The following ANKS1B variants were observed in gnomAD, a reference collection of about 807,000 sequenced individuals.
ANKS1B encodes ankyrin repeat and sterile alpha motif domain containing 1B.
A neutral mutation model predicts 148.3 loss-of-function variants in ANKS1B; 36 were observed. That is an observed-to-expected ratio of 0.24 (90% CI 0.19 to 0.32). The LOEUF (loss-of-function observed/expected upper bound fraction) is 0.32, where lower values mean the gene tolerates loss of function less well. Among genes scored for constraint, ANKS1B ranks in the 10% least tolerant of loss-of-function variants. The pLI, the probability that ANKS1B is intolerant of heterozygous loss-of-function variation, is 1.00. For synonymous variants in ANKS1B, 542 were observed against 560.8 expected, an observed-to-expected ratio of 0.97 and a Z score of 0.47; for missense variants, 1,157 against 1,542.6, an observed-to-expected ratio of 0.75 and a Z score of 4.19.
chr12:99,780,112 C>T, intron 5 of ANKS1B, 140 bp from the exon 6 acceptor site: 1 of 623,140 alleles, frequency 1.6e-6, no homozygotes, highest in South Asian at 1.9e-5. Flanking sequence ...GTTCTACACA[C>T]ACACATACAC....
At position 99,204,170 on chromosome 12, in the gene ANKS1B, C is replaced by A. The variant is rs79459962; in HGVS notation, c.2419+40172G>T. On this transcript the variant is annotated intron_variant, in intron 14 of 26. Coordinates refer to ENST00000683438, the MANE Select transcript of ANKS1B (RefSeq NM_001352186.2). ...TTTCAATTCCTAGCTAGGAAAGAAG[C>A]AATATGCCTTGGGCACAACTTTTCA... 1.4e-3 allele frequency among the ~76,000 whole-genome samples: 215 copies of A among 152,304 alleles called. 3 individuals carry two copies. In the East Asian group the frequency reaches 0.027, roughly 19 times the overall value.
At chr12:98,757,655 T>G (rs1592840993) in intron 25 of ANKS1B, among the ~76,000 whole-genome samples, 1 of 152,300 alleles carries the variant, frequency 6.6e-6, no homozygotes, top group South Asian at 2.1e-4. Context: ...TGCAGTGAAG[T>G]CAGCAAAATC....
At chr12:99,843,726 T>G (rs2086149670) in intron 1 of ANKS1B, among the ~76,000 whole-genome samples, 2 of 152,102 alleles carry the variant, frequency 1.3e-5, no homozygotes, top group Admixed American at 6.6e-5. Context: ...TACATGTGCA[T>G]GTATCTTTAT....
chr12:99,592,522 C>T (rs2097713272), intron 9 of ANKS1B, among the ~76,000 whole-genome samples: 1 of 150,362 alleles, frequency 6.7e-6, no homozygotes, highest in African/African-American at 2.4e-5. Context: ...TATTTATATA[C>T]TTGGCCAGAA....
chr12:98,896,681 A>G (rs2099765150), intron 17 of ANKS1B, among the ~76,000 whole-genome samples: 1 of 152,228 alleles, frequency 6.6e-6, no homozygotes, highest in East Asian at 1.9e-4. Flanking sequence ...AAAGACCTGC[A>G]TCTTGACTGG....
At chr12:99,347,067 T>C (rs2090798457) in intron 12 of ANKS1B, among the ~76,000 whole-genome samples, 2 of 151,992 alleles carry the variant, frequency 1.3e-5, no homozygotes, top group African/African-American at 4.8e-5. Flanking sequence ...GAAAAAACTG[T>C]GGTTGCCTGT....
intron 1 of ANKS1B, among the ~76,000 whole-genome samples, chr12:99,923,244 A>G (rs1043764862): frequency 2.0e-5 from 3 of 152,166 alleles, no homozygotes; most frequent in African/African-American, 7.2e-5. Context: ...AGCCTCTGGG[A>G]AGGTAATATC....
intron 11 of ANKS1B, among the ~76,000 whole-genome samples, chr12:99,418,163 C>G (rs954335459): frequency 1.3e-5 from 2 of 152,106 alleles, no homozygotes; most frequent in South Asian, 4.2e-4. Context: ...ATAAGCATTA[C>G]AGAATCACAT....
intron 14 of ANKS1B, among the ~76,000 whole-genome samples, chr12:99,169,216 G>C (rs935145073): frequency 1.1e-4 from 16 of 152,100 alleles, no homozygotes; most frequent in Admixed American, 2.6e-4. Context: ...TTTGAGATGA[G>C]AGAAATTAAA....
At chr12:99,476,474 C>T (rs560311353) in intron 10 of ANKS1B, among the ~76,000 whole-genome samples, 1 of 152,126 alleles carries the variant, frequency 6.6e-6, no homozygotes, top group South Asian at 2.1e-4. Context: ...AATAGTTGTA[C>T]TACATATAAC....
chr12:98,971,925 T>C (rs1346776384), intron 17 of ANKS1B, among the ~76,000 whole-genome samples: 1 of 152,122 alleles, frequency 6.6e-6, no homozygotes, highest in Non-Finnish European at 1.5e-5. Flanking sequence ...TCTGGCACTC[T>C]GGGAGGCTGA....
At chr12:99,315,298 A>T (rs193155560) in intron 12 of ANKS1B, among the ~76,000 whole-genome samples, 89 of 151,994 alleles carry the variant, frequency 5.9e-4, no homozygotes, top group African/African-American at 2.0e-3. Flanking sequence ...AACGGAAAAA[A>T]TTTTTTACAA....
chr12:99,508,902 A>G (rs986877493), intron 9 of ANKS1B, among the ~76,000 whole-genome samples: 1 of 151,878 alleles, frequency 6.6e-6, no homozygotes, highest in Non-Finnish European at 1.5e-5. Flanking sequence ...ATAAAGATTT[A>G]TGGCAACCGG....
chr12:99,217,752 T>A (rs2084445921), intron 14 of ANKS1B, among the ~76,000 whole-genome samples: 2 of 152,132 alleles, frequency 1.3e-5, no homozygotes, highest in Admixed American at 6.5e-5. Context: ...CATACTAATA[T>A]ATGTAAGTTG....
intron 12 of ANKS1B, among the ~76,000 whole-genome samples, chr12:99,254,418 G>C (rs1602108387): frequency 6.6e-6 from 1 of 152,158 alleles, no homozygotes; most frequent in East Asian, 1.9e-4. Context: ...TTGTTCAGAG[G>C]CTACATGATG....
intron 19 of ANKS1B, among the ~76,000 whole-genome samples, chr12:98,808,868 G>C (rs959561881): frequency 2.6e-5 from 4 of 152,172 alleles, no homozygotes; most frequent in Non-Finnish European, 4.4e-5. Context: ...AGCATCTTTA[G>C]CATTCACAAG....
intron 25 of ANKS1B, among the ~76,000 whole-genome samples, chr12:98,770,661 C>T (rs1056488383): frequency 6.6e-5 from 10 of 151,732 alleles, no homozygotes; most frequent in Admixed American, 2.6e-4. Flanking sequence ...CATTTTCAAT[C>T]TTTCTTTAAA....
At chr12:99,742,389 T>C (rs1020584063) in intron 8 of ANKS1B, among the ~76,000 whole-genome samples, 2 of 151,728 alleles carry the variant, frequency 1.3e-5, no homozygotes, top group Non-Finnish European at 2.9e-5. Flanking sequence ...ACACAAAAAA[T>C]ATAATTTTTT....
At chr12:99,125,358 G>A (rs1008543173) in intron 15 of ANKS1B, among the ~76,000 whole-genome samples, 2 of 152,156 alleles carry the variant, frequency 1.3e-5, no homozygotes, top group Admixed American at 1.3e-4. Context: ...CTTTGGGAGG[G>A]AGAATAAGCA....
Sources: gnomAD v4.1 joint callset for allele counts (sites outside exome capture counted in the v4.1 genomes callset) on GRCh38, gnomAD v4.1.1 for gene constraint, MANE v1.5 for transcripts, NCBI Gene and HGNC (gene_info 2026-07-23, HGNC 2026-07-21) for gene names.